GNG4: variants seen among roughly 807,000 people sequenced by gnomAD.
GNG4 encodes the protein G protein subunit gamma 4.
A neutral mutation model predicts 5.8 loss-of-function variants in GNG4; 4 were observed. The ratio of observed to expected loss-of-function variants is 0.69; its 90% CI spans 0.34 to 1.57. GNG4 has a LOEUF of 1.57. Among genes scored for constraint, GNG4 ranks in the 40% most tolerant of loss-of-function variants. The pLI, the probability that GNG4 is intolerant of heterozygous loss-of-function variation, is 0.06. For synonymous variants in GNG4, 29 were observed against 32.9 expected (o/e 0.88, Z 0.41); for missense variants, 96 against 95.1 (o/e 1.01, Z -0.04).
At chr1:235,593,720 C>T (rs1250797466) in intron 2 of GNG4, among the ~76,000 whole-genome samples, 7 of 151,954 alleles carry the variant, frequency 4.6e-5, no homozygotes, top group Non-Finnish European at 7.4e-5. Flanking sequence ...CAGAGCTTCA[C>T]GGTGAGTGTT....
chr1:235,587,586 A>T (rs1259711584), intron 2 of GNG4, among the ~76,000 whole-genome samples: 25 of 448 alleles, frequency 0.056, 1 homozygote, highest in East Asian at 0.38. Flanking sequence ...GGTGGCGGTG[A>T]GTGTGAGTGT....
In GNG4 at chr1:235,599,285, G is replaced by A. The variant is rs150054806; in HGVS notation, c.-122-3774C>T. Among the ~76,000 whole-genome samples, 71 of 151,308 alleles carry A rather than the reference G, an allele frequency of 4.7e-4. 1 individual carries two copies. The East Asian group carries it at 0.014, about 29-fold the overall frequency. ...CCCAAACCTACGAAGTCAAATCTGC[G>A]GGTTTTTTTGTTGTCGTTGTTTGTT... On this transcript the variant is annotated intron_variant, in intron 1 of 3. Coordinates refer to ENST00000391854, the MANE Select transcript of GNG4 (RefSeq NM_001098722.2).
intron 1 of GNG4, among the ~76,000 whole-genome samples, chr1:235,634,567 C>G (rs752765976): frequency 6.6e-6 from 1 of 152,240 alleles, no homozygotes; most frequent in Non-Finnish European, 1.5e-5. Flanking sequence ...AGATTTATAG[C>G]TTATCTGTAT....
chr1:235,569,531 T>C (rs1296331002), intron 3 of GNG4, among the ~76,000 whole-genome samples: 3 of 151,920 alleles, frequency 2.0e-5, no homozygotes, highest in Admixed American at 6.6e-5. Context: ...CTATATTCTT[T>C]TTTTTTTGTT....
chr1:235,560,044 GT>G (rs1388972027), intron 3 of GNG4, among the ~76,000 whole-genome samples: 1 of 152,168 alleles, frequency 6.6e-6, no homozygotes, highest in Non-Finnish European at 1.5e-5. Context: ...CTATCTCTCA[GT>G]TTTGATATTT....
At chr1:235,562,660 A>AAAAAAAAAAAAAGAAAAAAAAAAAAAG (rs1687097140) in intron 3 of GNG4, among the ~76,000 whole-genome samples, 1 of 133,826 alleles carries the variant, frequency 7.5e-6, no homozygotes, top group African/African-American at 2.7e-5. Context: ...AAAAAAAAAG[A>AAAAAAAAAAAAAGAAAAAAAAAAAAAG]AAAAAAAAAA....
At chr1:235,609,070 C>G (rs964249151) in intron 1 of GNG4, among the ~76,000 whole-genome samples, 1 of 152,008 alleles carries the variant, frequency 6.6e-6, no homozygotes, top group African/African-American at 2.4e-5. Flanking sequence ...TGGCTCCAAG[C>G]GATCTTCTTA....
rs904342558 is a variant in GNG4, at chr1:235,551,753, G to GT, written c.*355dup. The GT allele has an allele frequency of 7.4e-3, 1,156 of 155,652 alleles. 4 individuals carry two copies. The highest frequency in any genetic ancestry group is 0.017 in the African/African-American group (694 of 40,888). 9.6% of individuals were successfully genotyped at this position (155,652 alleles called of 1,614,324 possible). On this transcript the variant is annotated 3_prime_UTR_variant, in exon 4 of 4. Coordinates refer to ENST00000391854, the MANE Select transcript of GNG4 (RefSeq NM_001098722.2). The stretch of plus-strand genomic sequence containing the variant: ...TGCAAATAAGGGATATTTAGGCATA[G>GT]TTTTTTTTTTAAAATAAATTATCCA...
chr1:235,605,395 G>C (rs937029510), intron 1 of GNG4, among the ~76,000 whole-genome samples: 1 of 152,020 alleles, frequency 6.6e-6, no homozygotes, highest in African/African-American at 2.4e-5. Flanking sequence ...GGCTGGTCTC[G>C]AACTCTGGAC....
intron 3 of GNG4, among the ~76,000 whole-genome samples, chr1:235,557,787 G>A (rs988734997): frequency 3.9e-5 from 6 of 152,112 alleles, no homozygotes; most frequent in Admixed American, 6.6e-5. Flanking sequence ...TCGGGGCTTC[G>A]GGGGACAGCT....
chr1:235,613,954 C>G (rs1688533659), intron 1 of GNG4, among the ~76,000 whole-genome samples: 1 of 152,180 alleles, frequency 6.6e-6, no homozygotes, highest in African/African-American at 2.4e-5. Flanking sequence ...GCTGGGACCA[C>G]AGGTGTGAGT....
intron 1 of GNG4, among the ~76,000 whole-genome samples, chr1:235,605,414 G>C (rs1474649796): frequency 2.0e-5 from 3 of 152,012 alleles, no homozygotes; most frequent in African/African-American, 7.2e-5. Flanking sequence ...ACCTCAGGTG[G>C]TCCGCCCGCC....
chr1:235,562,242 G>A (rs1393073124), intron 3 of GNG4, among the ~76,000 whole-genome samples: 3 of 152,114 alleles, frequency 2.0e-5, no homozygotes, highest in South Asian at 2.1e-4. Flanking sequence ...AGGTAGTGTC[G>A]GTTCTCCAAC....
chr1:235,644,495 A>G lies in GNG4; in HGVS notation c.-123+5167T>C, dbSNP rs1272512802. 6.6e-6 allele frequency among the ~76,000 whole-genome samples: 1 copy of G among 152,162 alleles called. No individual in the cohort carries two copies. The highest frequency in any genetic ancestry group is 1.9e-4 in the East Asian group (1 of 5,190). On this transcript the variant is annotated intron_variant, in intron 1 of 3. Coordinates refer to ENST00000391854, the MANE Select transcript of GNG4 (RefSeq NM_001098722.2). The surrounding 1 kb of genome is among the most constrained non-coding windows in gnomAD (Gnocchi z 5.9). ...ACCTTCTTCCCCGCACACACCGTCA[A>G]ACACATGCACGGTGTAGACTGAAGT...
intron 3 of GNG4, among the ~76,000 whole-genome samples, chr1:235,580,746 G>GTT (rs56370700): frequency 9.5e-5 from 12 of 125,744 alleles, no homozygotes; most frequent in Non-Finnish European, 1.3e-4. Flanking sequence ...CCCGTTTTTT[G>GTT]TTTTTTTTTT....
intron 1 of GNG4, among the ~76,000 whole-genome samples, chr1:235,622,805 G>T (rs751846358): frequency 6.7e-6 from 1 of 148,170 alleles, no homozygotes; most frequent in Non-Finnish European, 1.5e-5. Flanking sequence ...CTGCTGGGAG[G>T]TGGAGGTTGC....
intron 1 of GNG4, among the ~76,000 whole-genome samples, chr1:235,624,775 T>C (rs1311063389): frequency 6.6e-6 from 1 of 152,234 alleles, no homozygotes; most frequent in Non-Finnish European, 1.5e-5. Flanking sequence ...GTTTCCTTGT[T>C]GCCTTTGGCT....
intron 2 of GNG4, among the ~76,000 whole-genome samples, chr1:235,593,829 TGTTACAGCTCATAAAGGCAGTGG>T (rs1432352183): frequency 6.6e-6 from 1 of 151,846 alleles, no homozygotes; most frequent in Non-Finnish European, 1.5e-5. Context: ...TCGTGGTGAG[TGTTACAGCTCATAAAGGCAGTGG>T]GGGCCCAGAG....
intron 3 of GNG4, among the ~76,000 whole-genome samples, chr1:235,561,369 TCTCTCTTG>T (rs1292926288): frequency 3.9e-5 from 6 of 152,046 alleles, no homozygotes; most frequent in African/African-American, 1.2e-4. Flanking sequence ...AAGGGTTCTC[TCTCTCTTG>T]CTCTCTTGCA....
Sources: gnomAD v4.1 joint callset for allele counts (sites outside exome capture counted in the v4.1 genomes callset) on GRCh38, gnomAD v4.1.1 for gene constraint, Gnocchi (gnomAD v3.1) non-coding constraint, MANE v1.5 for transcripts, NCBI Gene and HGNC (gene_info 2026-07-23, HGNC 2026-07-21) for gene names.